The following EPB41L5 variants were observed in gnomAD, a reference collection of about 807,000 sequenced individuals.
EPB41L5 encodes the protein erythrocyte membrane protein band 4.1 like 5.
Under a neutral mutation model 106.6 loss-of-function variants are expected in EPB41L5, and 55 were observed. That is an observed-to-expected ratio of 0.52 (90% CI 0.42 to 0.65). EPB41L5 has a LOEUF of 0.65. Among genes scored for constraint, EPB41L5 ranks in the 30% least tolerant of loss-of-function variants. The pLI, the probability that EPB41L5 is intolerant of heterozygous loss-of-function variation, is 0.00. For synonymous variants in EPB41L5, 297 were observed against 306.7 expected (o/e 0.97, Z 0.33); for missense variants, 871 against 882.1 (o/e 0.99, Z 0.16).
intron 3 of EPB41L5, among the ~76,000 whole-genome samples, chr2:120,066,701 C>T (rs1681466608): frequency 2.0e-5 from 3 of 152,196 alleles, no homozygotes; most frequent in Admixed American, 2.0e-4. Flanking sequence ...TTTGCACTCA[C>T]TATGGTGGAT....
chr2:120,098,821 T>A (rs1683942005), intron 14 of EPB41L5, among the ~76,000 whole-genome samples: 2 of 152,386 alleles, frequency 1.3e-5, no homozygotes, highest in Middle Eastern at 6.8e-3. Flanking sequence ...GCTTTCATTA[T>A]CAGGTAGCGG....
rs1389897103 is a variant in EPB41L5 at position 120,119,920 on chromosome 2, TA to T, written c.1338-7763del. ...TAAATTATATTAAGCTCAAAGACAA[TA>T]AAAAGCTAAGAAAACTCAGTAGAGT... On this transcript the variant is annotated intron_variant, in intron 16 of 24. Coordinates refer to ENST00000263713, the MANE Select transcript of EPB41L5 (RefSeq NM_020909.4). Among the ~76,000 whole-genome samples the T allele has an allele frequency of 3.3e-5, 5 of 152,268 alleles. No individual in the cohort carries two copies. The East Asian group carries it at 9.6e-4, about 29-fold the overall frequency.
chr2:120,046,501 G>GT (rs1181099614), intron 3 of EPB41L5, among the ~76,000 whole-genome samples: 80 of 148,304 alleles, frequency 5.4e-4, no homozygotes, highest in Middle Eastern at 3.5e-3. Context: ...TTTTGATGGG[G>GT]TTGTTTTTTT....
intron 2 of EPB41L5, among the ~76,000 whole-genome samples, chr2:120,036,838 A>G (rs1679070216): frequency 6.6e-6 from 1 of 152,166 alleles, no homozygotes; most frequent in African/African-American, 2.4e-5. Flanking sequence ...AAGAGGAAAG[A>G]AAGGATATAA....
At chr2:120,129,943 C>T (rs1048445177) in intron 17 of EPB41L5, among the ~76,000 whole-genome samples, 1 of 152,074 alleles carries the variant, frequency 6.6e-6, no homozygotes, top group African/African-American at 2.4e-5. Flanking sequence ...GTCAGCAGTT[C>T]GAGACCAGCC....
At chr2:120,075,610 A>G in intron 6 of EPB41L5, 90 bp downstream of exon 6, 1 of 1,414,604 alleles carries the variant, frequency 7.1e-7, no homozygotes, top group Non-Finnish European at 9.9e-7. Flanking sequence ...TAAAAAAGAA[A>G]TGGTCAACAT....
chr2:120,094,347 A>C (rs1018422906), intron 14 of EPB41L5, among the ~76,000 whole-genome samples: 3 of 150,376 alleles, frequency 2.0e-5, no homozygotes, highest in African/African-American at 7.3e-5. Context: ...CTAGAGTTTT[A>C]TCTCTTTTAT....
intron 16 of EPB41L5, among the ~76,000 whole-genome samples, chr2:120,111,640 T>C (rs932009233): frequency 1.3e-5 from 2 of 152,090 alleles, no homozygotes; most frequent in Admixed American, 1.3e-4. Context: ...CTACTGCTTG[T>C]TACCATCTTT....
At chr2:120,063,668 G>A (rs1489565359) in intron 3 of EPB41L5, among the ~76,000 whole-genome samples, 8 of 151,766 alleles carry the variant, frequency 5.3e-5, no homozygotes, top group South Asian at 2.1e-4. Context: ...ATTCCTGGCC[G>A]GGTGCAGTGG....
At chr2:120,160,857 G>A (rs774540787) in intron 20 of EPB41L5, 24 bp from the exon 21 acceptor site, 8 of 1,570,686 alleles carry the variant, frequency 5.1e-6, no homozygotes, top group Non-Finnish European at 7.0e-6. Context: ...CCTACATGAT[G>A]TGAATTTATC....
chr2:120,095,816 G>A (rs1264992997), intron 14 of EPB41L5, among the ~76,000 whole-genome samples: 4 of 151,794 alleles, frequency 2.6e-5, no homozygotes, highest in East Asian at 1.9e-4. Context: ...TTACAGGCAC[G>A]CACCACCATG....
At chr2:120,015,171 C>T (rs1278481857) in intron 1 of EPB41L5, among the ~76,000 whole-genome samples, 2 of 151,444 alleles carry the variant, frequency 1.3e-5, no homozygotes, top group Non-Finnish European at 2.9e-5. Context: ...AAAAAAATAA[C>T]AAAAAATTAG....
intron 22 of EPB41L5, 75 bp from the exon 23 acceptor site, chr2:120,167,391 G>T (rs954245963): frequency 8.1e-6 from 10 of 1,240,422 alleles, no homozygotes; most frequent in Non-Finnish European, 1.2e-6. Flanking sequence ...CATAATAGAT[G>T]TAAGTAAGTA....
intron 14 of EPB41L5, among the ~76,000 whole-genome samples, chr2:120,097,880 C>G (rs1246844767): frequency 6.6e-6 from 1 of 152,118 alleles, no homozygotes; most frequent in Non-Finnish European, 1.5e-5. Context: ...AGCTATGGTT[C>G]AATTAACATC....
chr2:120,030,027 C>G (rs1378782794), intron 2 of EPB41L5, among the ~76,000 whole-genome samples: 1 of 152,176 alleles, frequency 6.6e-6, no homozygotes, highest in Non-Finnish European at 1.5e-5. Context: ...AAAATTATGA[C>G]TGAGGAAATG....
At chr2:120,069,900 A>T (rs915532723) in intron 3 of EPB41L5, among the ~76,000 whole-genome samples, 113 of 152,364 alleles carry the variant, frequency 7.4e-4, no homozygotes, top group African/African-American at 2.7e-3. Flanking sequence ...CGTCACGATT[A>T]AAAGAACTAG....
intron 17 of EPB41L5, among the ~76,000 whole-genome samples, chr2:120,129,207 A>G (rs1210515348): frequency 6.6e-6 from 1 of 152,058 alleles, no homozygotes; most frequent in East Asian, 1.9e-4. Context: ...GTGGTGGCAC[A>G]TGTCTGCAAT....
At chr2:120,147,373 T>C (rs1002709970) in intron 20 of EPB41L5, among the ~76,000 whole-genome samples, 6 of 152,012 alleles carry the variant, frequency 3.9e-5, no homozygotes, top group Non-Finnish European at 8.8e-5. Flanking sequence ...CAGGCCGTGG[T>C]GGCTCACGCC....
Position 120,117,844 on chromosome 2 carries a change from C to T in EPB41L5, c.1338-9844C>T, listed in dbSNP as rs576563696. On this transcript the variant is annotated intron_variant, in intron 16 of 24. Transcript: ENST00000263713. ...TTTCCATAAATTGCTTGTTCCTCTC[C>T]CCCTGCCCCCTCCCCATTTTTAAAC... Among the ~76,000 whole-genome samples the T allele has an allele frequency of 1.2e-4, 18 of 152,186 alleles. 1 individual carries two copies. In the South Asian group the frequency reaches 3.7e-3, roughly 32 times the overall value.
Sources: allele counts gnomAD v4.1 joint callset (sites outside exome capture counted in the v4.1 genomes callset), GRCh38; gene constraint gnomAD v4.1.1; transcripts MANE v1.5; gene names NCBI Gene and HGNC (gene_info 2026-07-23, HGNC 2026-07-21).